The following ACOXL variants were observed in gnomAD, a reference collection of about 807,000 sequenced individuals.
ACOXL encodes the protein acyl-coenzyme A oxidase-like protein.
Under a neutral mutation model 71.9 loss-of-function variants are expected in ACOXL, and 70 were observed. The ratio of observed to expected loss-of-function variants is 0.97; its 90% CI spans 0.80 to 1.19. The LOEUF is 1.19. Ranked by LOEUF, ACOXL falls within the 50% of genes most tolerant of loss-of-function variation. The pLI is 0.00. For synonymous variants in ACOXL, 253 were observed against 281.6 expected, an observed-to-expected ratio of 0.90 and a Z score of 1.02; for missense variants, 703 against 736.3, an observed-to-expected ratio of 0.95 and a Z score of 0.52.
chr2:110,881,338 G>C (rs1573969771), intron 10 of ACOXL, among the ~76,000 whole-genome samples: 1 of 151,868 alleles, frequency 6.6e-6, no homozygotes, highest in Non-Finnish European at 1.5e-5. Context: ...TAAATTATTT[G>C]TGTCTGATGC....
intron 16 of ACOXL, among the ~76,000 whole-genome samples, chr2:111,064,429 C>G (rs1274878990): frequency 1.9e-4 from 25 of 133,344 alleles, no homozygotes; most frequent in African/African-American, 6.5e-4. Context: ...GAGCGACACT[C>G]CATCTCAAAA....
At position 110,798,608 on chromosome 2, in the gene ACOXL, A is replaced by G; in HGVS notation, c.346-2A>G. 2 of 1,612,132 alleles carry G rather than the reference A, an allele frequency of 1.2e-6. No individual in the cohort carries two copies. The highest frequency in any genetic ancestry group is 1.7e-6 in the Non-Finnish European group (2 of 1,178,226). On this transcript the variant is annotated splice_acceptor_variant, in intron 5 of 17. Coordinates refer to ENST00000439055, the MANE Select transcript of ACOXL (RefSeq NM_001142807.4). LOFTEE classifies it high-confidence loss of function. ...CACTGTTGCTCTGCTTTTTCTGTGT[A>G]GGAGTTTGTAATTGACACGCCGTGT...
intron 12 of ACOXL, among the ~76,000 whole-genome samples, chr2:110,947,177 C>G (rs772528832): frequency 6.6e-6 from 1 of 152,224 alleles, no homozygotes; most frequent in African/African-American, 2.4e-5. Flanking sequence ...CTGGCAGTTT[C>G]GCTTCGTTTC....
At chr2:110,950,022 CT>C (rs548623739) in intron 12 of ACOXL, among the ~76,000 whole-genome samples, 4 of 151,474 alleles carry the variant, frequency 2.6e-5, no homozygotes, top group African/African-American at 9.7e-5. Context: ...AATCCTCTGT[CT>C]TTTTTTTATT....
intron 15 of ACOXL, among the ~76,000 whole-genome samples, chr2:111,042,023 G>A (rs1393379778): frequency 3.3e-5 from 5 of 152,202 alleles, no homozygotes; most frequent in South Asian, 2.1e-4. Context: ...CGGCAGGCAG[G>A]TTGGGCTCCT....
At chr2:111,027,562 T>G (rs1375318776) in intron 14 of ACOXL, among the ~76,000 whole-genome samples, 1 of 150,974 alleles carries the variant, frequency 6.6e-6, no homozygotes, top group African/African-American at 2.4e-5. Context: ...CCTCGTGATC[T>G]GCCCACCTCA....
chr2:110,882,352 A>G (rs1357264540), intron 10 of ACOXL, among the ~76,000 whole-genome samples: 1 of 152,186 alleles, frequency 6.6e-6, no homozygotes, highest in African/African-American at 2.4e-5. Flanking sequence ...AGTTCTTTAT[A>G]TATTTTGAAT....
At chr2:110,888,109 A>G (rs1158428120) in intron 10 of ACOXL, 2 of 152,210 alleles carry the variant, frequency 1.3e-5, no homozygotes, top group East Asian at 3.8e-4. Context: ...TATAGTCAAT[A>G]CAATCTCAGG....
At chr2:110,907,740 C>A (rs2059507656) in intron 10 of ACOXL, among the ~76,000 whole-genome samples, 1 of 152,322 alleles carries the variant, frequency 6.6e-6, no homozygotes, top group East Asian at 1.9e-4. Flanking sequence ...CAGCACCAGA[C>A]TTATGAGATG....
At chr2:110,998,346 C>T (rs575078273) in intron 14 of ACOXL, among the ~76,000 whole-genome samples, 4 of 152,248 alleles carry the variant, frequency 2.6e-5, no homozygotes, top group African/African-American at 9.6e-5. Flanking sequence ...GCAGACAAAG[C>T]AGTGAAGATA....
chr2:110,915,400 G>A (rs568762872), intron 11 of ACOXL, among the ~76,000 whole-genome samples: 19 of 137,190 alleles, frequency 1.4e-4, no homozygotes, highest in East Asian at 1.2e-3. Context: ...GTGTGTGTGT[G>A]TATATACATA....
At chr2:110,963,497 T>A in intron 12 of ACOXL, 1 of 1,305,380 alleles carries the variant, frequency 7.7e-7, no homozygotes, top group Non-Finnish European at 9.8e-7. Context: ...CTCTTTTCAA[T>A]TTTCTGTATA....
chr2:110,982,760 C>G (rs567863204), intron 12 of ACOXL, among the ~76,000 whole-genome samples: 1 of 152,080 alleles, frequency 6.6e-6, no homozygotes. Context: ...TTTTGGTGTC[C>G]AAATACAAAT....
At chr2:110,792,504 G>A (rs57934984) in intron 3 of ACOXL, among the ~76,000 whole-genome samples, 2,114 of 152,206 alleles carry the variant, frequency 0.014, 52 homozygotes, top group African/African-American at 0.048. Context: ...CAAAAGACCA[G>A]GCAGGCTGGG....
intron 12 of ACOXL, among the ~76,000 whole-genome samples, chr2:110,960,064 G>C (rs2061643755): frequency 6.6e-6 from 1 of 152,188 alleles, no homozygotes; most frequent in African/African-American, 2.4e-5. Flanking sequence ...TTTAAACAGA[G>C]AGGTAGGGAC....
intron 10 of ACOXL, among the ~76,000 whole-genome samples, chr2:110,874,466 A>G (rs984995588): frequency 9.2e-5 from 14 of 152,200 alleles, no homozygotes; most frequent in African/African-American, 2.7e-4. Context: ...GGGAAGCGGA[A>G]TGAGCAGAAA....
chr2:111,087,726 C>T (rs1055823564), intron 16 of ACOXL, among the ~76,000 whole-genome samples: 3 of 152,202 alleles, frequency 2.0e-5, no homozygotes, highest in African/African-American at 7.2e-5. Flanking sequence ...CCATTCCAGA[C>T]GTAGGAACTG....
chr2:110,925,544 G>C (rs2060237715), intron 11 of ACOXL, among the ~76,000 whole-genome samples: 3 of 152,150 alleles, frequency 2.0e-5, no homozygotes, highest in Non-Finnish European at 4.4e-5. Context: ...TTCTTTTGTA[G>C]CTTCCTCACT....
At chr2:111,093,724 C>T (rs189106512) in intron 17 of ACOXL, 60 of 512,176 alleles carry the variant, frequency 1.2e-4, no homozygotes, top group African/African-American at 9.2e-4. Flanking sequence ...ATTAGCTGGG[C>T]GTGGTGGCAT....
Sources: allele counts gnomAD v4.1 joint callset (sites outside exome capture counted in the v4.1 genomes callset), GRCh38; gene constraint gnomAD v4.1.1; transcripts MANE v1.5; gene names NCBI Gene and HGNC (gene_info 2026-07-23, HGNC 2026-07-21).